Variants in SLC9A9 observed in about 807,000 individuals in gnomAD.
SLC9A9 encodes solute carrier family 9 member A9, also known as sodium/hydrogen exchanger 9.
A neutral mutation model predicts 77.8 loss-of-function variants in SLC9A9; 62 were observed. The ratio of observed to expected loss-of-function variants is 0.80; its 90% CI spans 0.65 to 0.98. The LOEUF (loss-of-function observed/expected upper bound fraction) is 0.98, where lower values mean the gene tolerates loss of function less well. Among genes scored for constraint, SLC9A9 ranks in the 50% least tolerant of loss-of-function variants. SLC9A9 has a pLI of 0.00. For synonymous variants in SLC9A9, 320 were observed against 283.5 expected, an observed-to-expected ratio of 1.13 and a Z score of -1.29; for missense variants, 775 against 774.9, an observed-to-expected ratio of 1.00 and a Z score of 0.00.
chr3:143,355,980 T>C (rs565003036), intron 14 of SLC9A9, among the ~76,000 whole-genome samples: 1 of 152,254 alleles, frequency 6.6e-6, no homozygotes, highest in East Asian at 1.9e-4. Context: ...TTAATAGAAA[T>C]ATTATTAAAA....
chr3:143,595,575 A>T (rs2037739062), intron 6 of SLC9A9, among the ~76,000 whole-genome samples: 1 of 152,216 alleles, frequency 6.6e-6, no homozygotes, highest in Admixed American at 6.5e-5. Flanking sequence ...TTAAGATCAG[A>T]TACAATGCTA....
chr3:143,428,917 G>T (rs1273708894), intron 12 of SLC9A9, among the ~76,000 whole-genome samples: 1 of 152,158 alleles, frequency 6.6e-6, no homozygotes, highest in Admixed American at 6.5e-5. Flanking sequence ...GCAGAGGGGT[G>T]GGGATGGGGA....
chr3:143,529,341 G>A (rs2036464786), intron 9 of SLC9A9, among the ~76,000 whole-genome samples: 2 of 152,190 alleles, frequency 1.3e-5, no homozygotes, highest in Admixed American at 1.3e-4. Context: ...AGACCCAGAG[G>A]ATTTCTTAAT....
intron 9 of SLC9A9, among the ~76,000 whole-genome samples, chr3:143,531,448 C>T (rs1297057465): frequency 6.6e-6 from 1 of 152,226 alleles, no homozygotes; most frequent in Non-Finnish European, 1.5e-5. Flanking sequence ...GAAGCTAAAA[C>T]CATGAGCCAT....
At chr3:143,334,621 TC>T (rs750218430) in intron 14 of SLC9A9, among the ~76,000 whole-genome samples, 1 of 152,126 alleles carries the variant, frequency 6.6e-6, no homozygotes, top group Non-Finnish European at 1.5e-5. Flanking sequence ...TTAAATGAAA[TC>T]ATGCATGTAA....
At chr3:143,562,415 T>C (rs2037102465) in intron 8 of SLC9A9, among the ~76,000 whole-genome samples, 1 of 152,078 alleles carries the variant, frequency 6.6e-6, no homozygotes, top group Admixed American at 6.6e-5. Context: ...AGGCAGGTGA[T>C]TGCGGGGCAT....
At chr3:143,794,370 C>A (rs576642483) in intron 4 of SLC9A9, among the ~76,000 whole-genome samples, 1 of 151,844 alleles carries the variant, frequency 6.6e-6, no homozygotes, top group South Asian at 2.1e-4. Context: ...ACGGGATTAT[C>A]AGAGGCTGGA....
chr3:143,341,322 T>A (rs530447360), intron 14 of SLC9A9, among the ~76,000 whole-genome samples: 6 of 152,262 alleles, frequency 3.9e-5, no homozygotes, highest in Non-Finnish European at 7.4e-5. Context: ...GAGCCTCCAA[T>A]GCCTGTCAAT....
chr3:143,711,918 T>C (rs1186953434), intron 4 of SLC9A9, among the ~76,000 whole-genome samples: 1 of 152,194 alleles, frequency 6.6e-6, no homozygotes, highest in Admixed American at 6.5e-5. Flanking sequence ...TGGGGCTAAT[T>C]CTGAACAATC....
At chr3:143,715,226 T>C (rs1268641688) in intron 4 of SLC9A9, among the ~76,000 whole-genome samples, 2 of 152,184 alleles carry the variant, frequency 1.3e-5, no homozygotes, top group African/African-American at 4.8e-5. Flanking sequence ...CTCTTTAGGG[T>C]CTGTATGGGC....
intron 9 of SLC9A9, among the ~76,000 whole-genome samples, chr3:143,544,296 G>A (rs761492900): frequency 9.9e-5 from 15 of 152,068 alleles, no homozygotes; most frequent in East Asian, 1.9e-4. Flanking sequence ...GTGCGATCTC[G>A]GTTCACTGCA....
chr3:143,734,000 C>T (rs949984472), intron 4 of SLC9A9, among the ~76,000 whole-genome samples: 1 of 152,028 alleles, frequency 6.6e-6, no homozygotes. Flanking sequence ...AGTTCAAGAC[C>T]AGCCTGGGAA....
chr3:143,355,271 AG>A (rs1298084883), intron 14 of SLC9A9, among the ~76,000 whole-genome samples: 1 of 152,256 alleles, frequency 6.6e-6, no homozygotes, highest in Non-Finnish European at 1.5e-5. Context: ...TGGAAATTTT[AG>A]TCACTCAGAT....
intron 4 of SLC9A9, among the ~76,000 whole-genome samples, chr3:143,752,940 G>C (rs1012525468): frequency 6.6e-6 from 1 of 152,130 alleles, no homozygotes; most frequent in Non-Finnish European, 1.5e-5. Context: ...GTTTCCTGGC[G>C]TAAGGAGTCC....
At chr3:143,344,441 TA>T (rs2032199483) in intron 14 of SLC9A9, 2 of 152,182 alleles carry the variant, frequency 1.3e-5, no homozygotes, top group Admixed American at 6.5e-5. Context: ...TATTTTCTAA[TA>T]TATTAAGAGA....
At chr3:143,828,946 A>C (rs1186216580) in intron 2 of SLC9A9, among the ~76,000 whole-genome samples, 1 of 152,202 alleles carries the variant, frequency 6.6e-6, no homozygotes, top group Non-Finnish European at 1.5e-5. Context: ...TAAAAATTCC[A>C]AAACCCTTGA....
At chr3:143,596,490 T>C (rs2037754030) in intron 6 of SLC9A9, among the ~76,000 whole-genome samples, 1 of 152,348 alleles carries the variant, frequency 6.6e-6, no homozygotes, top group East Asian at 1.9e-4. Flanking sequence ...TTAATATTGA[T>C]ATCATTTTTC....
chr3:143,768,075 C>T (rs1302213627), intron 4 of SLC9A9, among the ~76,000 whole-genome samples: 1 of 152,156 alleles, frequency 6.6e-6, no homozygotes, highest in African/African-American at 2.4e-5. Flanking sequence ...TTCCATCTTT[C>T]TCACCACTTT....
chr3:143,346,810 A>G (rs1193226170), intron 14 of SLC9A9, among the ~76,000 whole-genome samples: 1 of 152,190 alleles, frequency 6.6e-6, no homozygotes, highest in African/African-American at 2.4e-5. Flanking sequence ...ACAAAAACCA[A>G]AAGTTTGGTT....
Sources: gnomAD v4.1 joint callset for allele counts (sites outside exome capture counted in the v4.1 genomes callset) on GRCh38, gnomAD v4.1.1 for gene constraint, MANE v1.5 for transcripts, NCBI Gene and HGNC (gene_info 2026-07-23, HGNC 2026-07-21) for gene names.